Variants in CAMK2A observed in about 807,000 individuals in gnomAD.
The protein encoded by CAMK2A is calcium/calmodulin-dependent protein kinase type II subunit alpha.
Under a neutral mutation model 79.2 loss-of-function variants are expected in CAMK2A, and 7 were observed. The ratio of observed to expected loss-of-function variants is 0.09; its 90% confidence interval spans 0.05 to 0.17. CAMK2A has a LOEUF of 0.17. Among genes scored for constraint, CAMK2A ranks in the 10% least tolerant of loss-of-function variants. The probability of loss-of-function intolerance (pLI) is 1.00; values close to 1 mark genes in which losing one functional copy is unlikely to be tolerated. For synonymous variants in CAMK2A, 242 were observed against 251.7 expected (o/e 0.96, Z 0.36); for missense variants, 214 against 646.4 (o/e 0.33, Z 7.25).
intron 15 of CAMK2A, among the ~76,000 whole-genome samples, chr5:150,232,450 T>C (rs1375341521): frequency 6.6e-6 from 1 of 152,098 alleles, no homozygotes; most frequent in East Asian, 1.9e-4. Flanking sequence ...AAGGTCAGCT[T>C]CCTCCCAATT....
In CAMK2A at chr5:150,245,063, T is replaced by C. The variant is rs1014343590; in HGVS notation, c.984+98A>G. On this transcript the variant is annotated intron_variant, in intron 13 of 18. Transcript: ENST00000671881. ...TGGCCCACGTCTGCCCAGGACACCA[T>C]CAGCAAGGCCCGGGTCTTGCTCCAG... 4.9e-6 allele frequency: 6 copies of C among 1,231,138 alleles called. No homozygotes were observed. The African/African-American group carries it at 6.0e-5, about 12-fold the overall frequency. 76.3% of individuals were successfully genotyped at this position (1,231,138 alleles called of 1,614,324 possible). A position where few individuals can be genotyped will look rare whatever the true frequency, so the allele number is the denominator to read the frequency against.
Position 150,256,874 on chromosome 5 carries a change from G to C in CAMK2A, c.273-43C>G. On this transcript the variant is annotated intron_variant, in intron 4 of 18. Coordinates refer to ENST00000671881, the MANE Select transcript of CAMK2A (RefSeq NM_015981.4). The surrounding 1 kb of genome is among the most constrained non-coding windows in gnomAD (Gnocchi z 4.6). The stretch of plus-strand genomic sequence containing the variant: ...GAATCACCCTCTAATAGAGGCGACA[G>C]GTGCTGCCTCATCTGGAGGAGTCTC... The C allele has an allele frequency of 6.6e-7, 1 of 1,525,824 alleles. No homozygotes were observed. The highest frequency in any genetic ancestry group is 9.0e-7 in the Non-Finnish European group (1 of 1,106,690). The allele number at this position is 1,525,824 out of a possible 1,614,324, so 94.5% of individuals were successfully genotyped here.
At chr5:150,277,179 A>C (rs1454467566) in intron 1 of CAMK2A, among the ~76,000 whole-genome samples, 1 of 152,168 alleles carries the variant, frequency 6.6e-6, no homozygotes, top group Non-Finnish European at 1.5e-5. Flanking sequence ...GCATCACTGC[A>C]CTCCAGCCTG....
In CAMK2A at chr5:150,272,980, T is replaced by C. The variant is rs75896824; in HGVS notation, c.157+85A>G. 9.3e-5 allele frequency: 99 copies of C among 1,064,868 alleles called. No homozygotes were observed. The African/African-American group carries it at 1.4e-3, about 16-fold the overall frequency. The allele number at this position is 1,064,868 out of a possible 1,614,324, so 66.0% of individuals were successfully genotyped here. A position where few individuals can be genotyped will look rare whatever the true frequency, so the allele number is the denominator to read the frequency against. ...TAAGTATCACCCAGGGGCTCAGCCC[T>C]GGATCCTGGTCTAAACCAAGCAGTA... On this transcript the variant is annotated intron_variant, in intron 2 of 18. Transcript: ENST00000671881.
chr5:150,222,216 T>C lies in CAMK2A; in HGVS notation c.*494A>G, dbSNP rs1754345600. ...AGGAGGCTCCTGGCGTATGCTCTTC[T>C]CCCCACTCCTTCAGTGCGGTTGGCT... On this transcript the variant is annotated 3_prime_UTR_variant, in exon 19 of 19. Transcript: ENST00000671881. 1 of 458,602 alleles carries C rather than the reference T, an allele frequency of 2.2e-6. No individual in the cohort carries two copies. The highest frequency in any genetic ancestry group is 4.0e-6 in the Non-Finnish European group (1 of 249,068). The allele number at this position is 458,602 out of a possible 1,614,324, so 28.4% of individuals were successfully genotyped here. A position where few individuals can be genotyped will look rare whatever the true frequency, so the allele number is the denominator to read the frequency against.
intron 13 of CAMK2A, among the ~76,000 whole-genome samples, chr5:150,240,870 G>T (rs1755306004): frequency 6.6e-6 from 1 of 152,238 alleles, no homozygotes; most frequent in African/African-American, 2.4e-5. Context: ...GAGGCCAGGA[G>T]GCCCCTCTCC....
rs868312678 is a variant in CAMK2A, at chr5:150,219,574, C to G, written c.*3136G>C. ...CCTTCTTCCCATCCCACCCGCCCCC[C>G]CCAATAGCAGAAAGTTTGAGCAGTG... On this transcript the variant is annotated 3_prime_UTR_variant, in exon 19 of 19. Transcript: ENST00000671881. 976 of 140,096 alleles carry G rather than the reference C, an allele frequency of 7.0e-3. 19 individuals are homozygous for G. The highest frequency in any genetic ancestry group is 0.011 in the Non-Finnish European group (745 of 64,874). The allele number at this position is 140,096 out of a possible 1,614,324, so 8.7% of individuals were successfully genotyped here.
At chr5:150,289,115 C>T (rs772070493) in intron 1 of CAMK2A, among the ~76,000 whole-genome samples, 33 of 152,140 alleles carry the variant, frequency 2.2e-4, no homozygotes, top group South Asian at 4.1e-4. Flanking sequence ...GAAGAACTAC[C>T]GGGAGCTGGT....
At chr5:150,251,894 G>A (rs748936532) in intron 8 of CAMK2A, 50 bp from the exon 9 acceptor site, 5 of 1,550,522 alleles carry the variant, frequency 3.2e-6, no homozygotes, top group Non-Finnish European at 3.6e-6. Context: ...AGGAGACATG[G>A]GGGGAGGGGA....
chr5:150,250,633 TG>T, intron 10 of CAMK2A, 54 bp downstream of exon 10: 2 of 1,605,586 alleles, frequency 1.2e-6, no homozygotes, highest in Non-Finnish European at 1.7e-6. Flanking sequence ...TGTGGGGGCC[TG>T]GATCATGAGG....
At chr5:150,264,870 A>C (rs573466424) in intron 3 of CAMK2A, 86 bp downstream of exon 3, 10 of 1,014,902 alleles carry the variant, frequency 9.9e-6, no homozygotes, top group Non-Finnish European at 1.6e-5. Flanking sequence ...GCTGCTCTCC[A>C]CCCAACCCGC....
At position 150,219,579 on chromosome 5, in the gene CAMK2A, T is replaced by C. The variant is rs1415799851; in HGVS notation, c.*3131A>G. ...TTCCCATCCCACCCGCCCCCCCCAA[T>C]AGCAGAAAGTTTGAGCAGTGTTCAT... On this transcript the variant is annotated 3_prime_UTR_variant, in exon 19 of 19. Coordinates refer to ENST00000671881, the MANE Select transcript of CAMK2A (RefSeq NM_015981.4). The C allele has an allele frequency of 1.7e-5, 1 of 58,664 alleles. No individual in the cohort carries two copies. Among genetic ancestry groups the C allele is most frequent in the African/African-American group, 8.9e-5 (1 of 11,180 alleles). 3.6% of individuals were successfully genotyped at this position (58,664 alleles called of 1,614,324 possible).
intron 2 of CAMK2A, among the ~76,000 whole-genome samples, chr5:150,268,154 C>T (rs116676799): frequency 0.048 from 7,274 of 151,998 alleles, 357 homozygotes; most frequent in African/African-American, 0.12. Flanking sequence ...CTGGGATTAC[C>T]GTGCCCGGAC....
At chr5:150,268,091 G>A (rs1337012348) in intron 2 of CAMK2A, among the ~76,000 whole-genome samples, 1 of 152,048 alleles carries the variant, frequency 6.6e-6, no homozygotes, top group African/African-American at 2.4e-5. Context: ...GCCTGGTCAG[G>A]CTGGTCTCGA....
chr5:150,222,496 G>T lies in CAMK2A; in HGVS notation c.*214C>A, dbSNP rs952940418. The T allele has an allele frequency of 4.2e-6, 3 of 706,416 alleles. No individual in the cohort carries two copies. The highest frequency in any genetic ancestry group is 4.0e-5 in the Admixed American group (2 of 49,994). The allele number at this position is 706,416 out of a possible 1,614,324, so 43.8% of individuals were successfully genotyped here. Reference sequence around the variant, plus strand: ...CCCCAGCCTGGCAGGGGAGAGGGTGGGGGTGAGAGGTGGGGAGATGTGGCC... The same window carrying T: ...CCCCAGCCTGGCAGGGGAGAGGGTGTGGGTGAGAGGTGGGGAGATGTGGCC... On this transcript the variant is annotated 3_prime_UTR_variant, in exon 19 of 19. Transcript: ENST00000671881.
intron 1 of CAMK2A, among the ~76,000 whole-genome samples, chr5:150,282,229 C>A (rs911070521): frequency 6.6e-6 from 1 of 152,182 alleles, no homozygotes; most frequent in South Asian, 2.1e-4. Context: ...CCCCCAAACA[C>A]CAATCCAGCA....
upstream of CAMK2A, chr5:150,289,953 C>A (rs1047277728): frequency 6.3e-6 from 2 of 318,360 alleles, no homozygotes; most frequent in Non-Finnish European, 1.2e-5. Flanking sequence ...CACAATACTG[C>A]AAGCCTGTGT....
chr5:150,279,413 T>C (rs1352649816), intron 1 of CAMK2A, among the ~76,000 whole-genome samples: 6 of 152,152 alleles, frequency 3.9e-5, no homozygotes, highest in African/African-American at 1.4e-4. Flanking sequence ...TCCTCCCCAC[T>C]GCAAAATACG....
intron 1 of CAMK2A, among the ~76,000 whole-genome samples, chr5:150,275,047 G>A (rs746445441): frequency 1.3e-5 from 2 of 152,240 alleles, no homozygotes; most frequent in Non-Finnish European, 2.9e-5. Context: ...TTCATGTCTG[G>A]GCAGCAGGAA....
Sources: allele counts gnomAD v4.1 joint callset (sites outside exome capture counted in the v4.1 genomes callset), GRCh38; gene constraint gnomAD v4.1.1; non-coding constraint Gnocchi (gnomAD v3.1); transcripts MANE v1.5; gene names NCBI Gene and HGNC (gene_info 2026-07-23, HGNC 2026-07-21).